Variants in ARAP2 observed in about 807,000 individuals in gnomAD.
ARAP2 encodes ArfGAP with RhoGAP domain, ankyrin repeat and PH domain 2.
In ARAP2, 148 loss-of-function variants were observed where a neutral mutation model predicts 194.5. The observed-to-expected ratio is 0.76, with a 90% CI of 0.67 to 0.87. The LOEUF (loss-of-function observed/expected upper bound fraction) is 0.87. Ranked by LOEUF, ARAP2 falls within the 40% of genes least tolerant of loss-of-function variation. The probability of loss-of-function intolerance (pLI) is 0.00; values close to 1 mark genes in which losing one functional copy is unlikely to be tolerated. For missense variants in ARAP2, 2,128 were observed against 1,989.7 expected (o/e 1.07, Z -1.32); for synonymous variants, 695 against 683.5 (o/e 1.02, Z -0.26).
intron 19 of ARAP2, among the ~76,000 whole-genome samples, chr4:36,140,984 A>G (rs1416827981): frequency 6.6e-6 from 1 of 151,682 alleles, no homozygotes; most frequent in Non-Finnish European, 1.5e-5. Context: ...CAACAAAAGC[A>G]TAATAAGTGT....
intron 5 of ARAP2, among the ~76,000 whole-genome samples, chr4:36,042,794 C>T (rs1337806865): frequency 6.6e-6 from 1 of 151,940 alleles, no homozygotes; most frequent in Admixed American, 6.6e-5. Context: ...CACTCACTTA[C>T]TCACTTATTC....
intron 27 of ARAP2, among the ~76,000 whole-genome samples, chr4:36,094,944 C>T (rs978636777): frequency 2.0e-5 from 3 of 152,268 alleles, no homozygotes; most frequent in Non-Finnish European, 4.4e-5. Context: ...TGGGAAGGTG[C>T]TATCACAGGT....
At position 36,073,816 on chromosome 4, in the gene ARAP2, T is replaced by C; in HGVS notation, c.4616A>G (p.Tyr1539Cys). 6.2e-7 allele frequency: 1 copy of C among 1,612,906 alleles called. No homozygotes were observed. The highest frequency in any genetic ancestry group is 1.1e-5 in the South Asian group (1 of 91,010). ...MTSIFIAQHE[Y>C]DIWPPAGKER... is the part of the protein sequence containing the mutation. ...CTTTCCAGCTGGTGGCCATATATCA[T>C]ATTCATGCTGTGGAAACACAATTTC... Residue 1539 changes from tyrosine (Y) to cysteine (C), a missense_variant, in exon 32 of 33, where the codon TAT becomes TGT. Transcript: ENST00000303965.
intron 27 of ARAP2, among the ~76,000 whole-genome samples, chr4:36,103,137 T>G (rs575234459): frequency 6.6e-6 from 1 of 151,822 alleles, no homozygotes; most frequent in Non-Finnish European, 1.5e-5. Context: ...CTGAATTTAC[T>G]TGAAGCAGTT....
At chr4:36,147,175 T>G in intron 19 of ARAP2, 121 bp downstream of exon 19, 1 of 785,548 alleles carries the variant, frequency 1.3e-6, no homozygotes, top group Non-Finnish European at 2.1e-6. Context: ...TATATTTATA[T>G]GATTCAGAAA....
intron 6 of ARAP2, among the ~76,000 whole-genome samples, chr4:36,016,380 T>C (rs1455917627): frequency 6.6e-6 from 1 of 152,158 alleles, no homozygotes; most frequent in Non-Finnish European, 1.5e-5. Flanking sequence ...TTCCACTGTG[T>C]TTAACGTGTT....
intron 3 of ARAP2, among the ~76,000 whole-genome samples, chr4:36,049,108 C>A (rs950136335): frequency 1.3e-5 from 2 of 151,718 alleles, no homozygotes; most frequent in Admixed American, 1.3e-4. Context: ...CTTTGTAGTT[C>A]CACATGAATT....
At chr4:36,165,550 T>C (rs543909341) in intron 10 of ARAP2, among the ~76,000 whole-genome samples, 1 of 152,270 alleles carries the variant, frequency 6.6e-6, no homozygotes, top group South Asian at 2.1e-4. Context: ...ATTGTGACTT[T>C]TTTTTCAGAT....
In ARAP2 at chr4:36,133,432, TA is replaced by T. The variant is rs753482952; in HGVS notation, c.3264-44del. The stretch of plus-strand genomic sequence containing the variant: ...CATTTCAAATTATAATTTTGCTCTT[TA>T]AAAAAAAATCTTACTCCAAGACAGA... On this transcript the variant is annotated intron_variant, in intron 19 of 32. Coordinates refer to ENST00000303965, the MANE Select transcript of ARAP2 (RefSeq NM_015230.4). The T allele has an allele frequency of 5.3e-4, 809 of 1,513,824 alleles. 1 individual carries two copies. Among genetic ancestry groups the T allele is most frequent in the Non-Finnish European group, 5.8e-4 (647 of 1,113,072 alleles). 93.8% of individuals were successfully genotyped at this position (1,513,824 alleles called of 1,614,324 possible). A position where few individuals can be genotyped will look rare whatever the true frequency, so the allele number is the denominator to read the frequency against.
At chr4:36,033,763 G>T (rs983348354) in intron 5 of ARAP2, among the ~76,000 whole-genome samples, 1 of 152,010 alleles carries the variant, frequency 6.6e-6, no homozygotes, top group East Asian at 1.9e-4. Flanking sequence ...ATGTCTTCAA[G>T]GACTCTTATA....
intron 26 of ARAP2, among the ~76,000 whole-genome samples, 156 bp from the exon 27 acceptor site, chr4:36,107,849 G>A (rs1268379048): frequency 1.3e-5 from 2 of 151,746 alleles, no homozygotes; most frequent in African/African-American, 2.4e-5. Context: ...ATAGCACTAT[G>A]ACTATGTAAA....
intron 27 of ARAP2, 69 bp from the exon 28 acceptor site, chr4:36,092,089 T>C (rs947773564): frequency 9.8e-6 from 14 of 1,427,844 alleles, no homozygotes; most frequent in Non-Finnish European, 1.3e-5. Flanking sequence ...ATACAAAACA[T>C]TTCTATATTG....
Position 36,228,859 on chromosome 4 carries a change from G to C in ARAP2, c.628C>G (p.Pro210Ala). Residue 210 changes from proline to alanine, a missense_variant, in exon 2 of 33, where the codon CCT (proline) becomes GCT (alanine). By Grantham distance (27) the Pro-to-Ala change is conservative. Coordinates refer to ENST00000303965, the MANE Select transcript of ARAP2 (RefSeq NM_015230.4). ...KLITENLSKL[P>A]NADSECLSFV... ...GAAAGGCATTCAGAGTCTGCATTAG[G>C]GAGCTTACTGAGATTTTCTGTGATC... 6.2e-7 allele frequency: 1 copy of C among 1,614,058 alleles called. No homozygotes were observed. Among genetic ancestry groups the C allele is most frequent in the East Asian group, 2.2e-5 (1 of 44,880 alleles).
chr4:36,127,980 G>A (rs943952229), intron 21 of ARAP2, among the ~76,000 whole-genome samples: 10 of 152,000 alleles, frequency 6.6e-5, no homozygotes, highest in African/African-American at 2.4e-4. Context: ...ACCCATGAGG[G>A]ATTTAATAAA....
At chr4:36,175,132 C>T (rs1737569928) in intron 9 of ARAP2, among the ~76,000 whole-genome samples, 1 of 152,162 alleles carries the variant, frequency 6.6e-6, no homozygotes, top group Non-Finnish European at 1.5e-5. Flanking sequence ...CTAAATCCAA[C>T]ACAAATTAAG....
At chr4:36,173,199 C>T (rs756645599) in intron 9 of ARAP2, among the ~76,000 whole-genome samples, 4 of 152,010 alleles carry the variant, frequency 2.6e-5, no homozygotes, top group Admixed American at 6.6e-5. Context: ...AGAAGGGAGA[C>T]GGGCTGTCAG....
chr4:36,136,055 T>A (rs1726634033), intron 19 of ARAP2, among the ~76,000 whole-genome samples: 1 of 151,792 alleles, frequency 6.6e-6, no homozygotes, highest in Non-Finnish European at 1.5e-5. Flanking sequence ...GGGCGAATCC[T>A]AAAATATATA....
intron 5 of ARAP2, among the ~76,000 whole-genome samples, chr4:36,024,745 G>A (rs535167530): frequency 6.6e-6 from 1 of 152,044 alleles, no homozygotes; most frequent in African/African-American, 2.4e-5. Context: ...AATAAATGCA[G>A]AATTTCACAA....
At position 36,128,694 on chromosome 4, in the gene ARAP2, C is replaced by T. The variant is rs140391212; in HGVS notation, c.3479G>A (p.Ser1160Asn). The T allele has an allele frequency of 1.8e-5, 29 of 1,612,570 alleles. No individual in the cohort carries two copies. In the Admixed American group the frequency reaches 2.8e-4, roughly 16 times the overall value. The change falls in exon 21 of 33, where the codon AGT becomes AAT. Residue 1160 changes from serine to asparagine, a missense_variant. Physicochemically the swap from Ser to Asn is conservative, Grantham distance 46. Coordinates refer to ENST00000303965, the MANE Select transcript of ARAP2 (RefSeq NM_015230.4). ...CTTTTTGAAACTCTCCAGGAGTTCA[C>T]TTATATGCAAAGGATCACCATTCTT... ...YQKNGDPLHI[S>N]ELLESFKKDA...
Sources: gnomAD v4.1 joint callset for allele counts (sites outside exome capture counted in the v4.1 genomes callset) on GRCh38, gnomAD v4.1.1 for gene constraint, MANE v1.5 for transcripts, NCBI Gene and HGNC (gene_info 2026-07-23, HGNC 2026-07-21) for gene names.